Variants in GRIP1 observed in about 807,000 individuals in gnomAD.
The protein encoded by GRIP1 is glutamate receptor interacting protein 1, also known as glutamate receptor-interacting protein 1.
GRIP1 carries 45 observed loss-of-function variants against 129.9 expected under a neutral mutation model. The ratio of observed to expected loss-of-function variants is 0.35; its 90% CI spans 0.27 to 0.44. The LOEUF is 0.44. Ranked by LOEUF, GRIP1 falls within the 20% of genes least tolerant of loss-of-function variation. GRIP1 has a pLI of 1.00. For synonymous variants in GRIP1, 530 were observed against 520.8 expected (o/e 1.02, Z -0.24); for missense variants, 1,196 against 1,396.8 (o/e 0.86, Z 2.29).
At chr12:66,619,211 G>A (rs528911393) in intron 1 of GRIP1, among the ~76,000 whole-genome samples, 5 of 152,064 alleles carry the variant, frequency 3.3e-5, no homozygotes, top group Admixed American at 3.3e-4. Flanking sequence ...GGATCCATAG[G>A]GTGAGCAGCA....
At chr12:67,032,382 C>T (rs981913305) in intron 1 of GRIP1, among the ~76,000 whole-genome samples, 16 of 152,198 alleles carry the variant, frequency 1.1e-4, no homozygotes, top group Non-Finnish European at 2.2e-4. Flanking sequence ...TCTTCCCCAA[C>T]TGTCTCTAAT....
chr12:66,979,240 A>ACAAC (rs1238523474), intron 1 of GRIP1, among the ~76,000 whole-genome samples: 1 of 146,364 alleles, frequency 6.8e-6, no homozygotes, highest in African/African-American at 2.6e-5. Flanking sequence ...AAAAAAAAAA[A>ACAAC]AAAAAAAAAA....
upstream of GRIP1, among the ~76,000 whole-genome samples, chr12:66,684,116 T>C (rs2136290870): frequency 6.6e-6 from 1 of 152,338 alleles, no homozygotes; most frequent in South Asian, 2.1e-4. Context: ...GTAACGTGCC[T>C]AGAACAGAGA....
At chr12:66,378,150 A>T (rs1002912481) in intron 20 of GRIP1, among the ~76,000 whole-genome samples, 12 of 152,174 alleles carry the variant, frequency 7.9e-5, no homozygotes, top group Non-Finnish European at 1.3e-4. Context: ...CTTTTAAAAG[A>T]AAGGAGAGGG....
chr12:67,005,108 T>A (rs1452525326), intron 1 of GRIP1, among the ~76,000 whole-genome samples: 2 of 152,130 alleles, frequency 1.3e-5, no homozygotes, highest in Non-Finnish European at 2.9e-5. Flanking sequence ...TCTATAAAGA[T>A]CTGACCAAAG....
At position 66,694,470 on chromosome 12, in the gene GRIP1, A is replaced by C. The variant is rs2035085085; in HGVS notation, c.-419-64134T>G. Among the ~76,000 whole-genome samples the C allele has an allele frequency of 2.0e-5, 3 of 152,172 alleles. 1 individual carries two copies. Among genetic ancestry groups the C allele is most frequent in the Admixed American group, 2.0e-4 (3 of 15,278 alleles). ...AACAAGGGTTTGAATCATGATTCTGATAGGATCTTGGCAGATGGGCACAGT... is the reference window on the plus strand; with the variant it reads ...AACAAGGGTTTGAATCATGATTCTGCTAGGATCTTGGCAGATGGGCACAGT... On this transcript the variant is annotated intron_variant, in intron 1 of 4. Transcript: ENST00000538373.
intron 1 of GRIP1, among the ~76,000 whole-genome samples, chr12:66,987,959 C>T (rs1592433591): frequency 6.6e-6 from 1 of 152,244 alleles, no homozygotes; most frequent in South Asian, 2.1e-4. Flanking sequence ...GCCTGATTTC[C>T]AGGTCTGCCT....
intron 1 of GRIP1, among the ~76,000 whole-genome samples, chr12:66,931,075 G>C (rs1250886806): frequency 6.6e-6 from 1 of 152,194 alleles, no homozygotes; most frequent in Non-Finnish European, 1.5e-5. Context: ...CGAACTTACT[G>C]TCTTCAACTA....
At chr12:67,039,738 A>G (rs573311196) in intron 1 of GRIP1, among the ~76,000 whole-genome samples, 194 of 152,282 alleles carry the variant, frequency 1.3e-3, no homozygotes, top group Non-Finnish European at 2.2e-3. Flanking sequence ...TTAAGCACCA[A>G]AACATCTTAC....
chr12:66,641,788 T>TATA (rs2031949737), intron 1 of GRIP1, among the ~76,000 whole-genome samples: 1 of 152,196 alleles, frequency 6.6e-6, no homozygotes, highest in African/African-American at 2.4e-5. Context: ...TGGCCATGCC[T>TATA]TATAAGGATC....
chr12:66,607,228 C>A (rs73325141), intron 1 of GRIP1, among the ~76,000 whole-genome samples: 2,544 of 152,246 alleles, frequency 0.017, 73 homozygotes, highest in African/African-American at 0.058. Flanking sequence ...ATCATGAATT[C>A]TTGGTTTAAT....
chr12:66,569,105 A>G (rs751926942), intron 2 of GRIP1: 2 of 227,462 alleles, frequency 8.8e-6, no homozygotes, highest in African/African-American at 4.7e-5. Context: ...TGAGAGTTTC[A>G]GTTTTCTTTC....
At chr12:66,778,760 T>C (rs1361899514) in intron 1 of GRIP1, among the ~76,000 whole-genome samples, 1 of 152,250 alleles carries the variant, frequency 6.6e-6, no homozygotes, top group South Asian at 2.1e-4. Flanking sequence ...CATTTCTATA[T>C]GTAAACAGTC....
intron 7 of GRIP1, among the ~76,000 whole-genome samples, chr12:66,484,107 C>A (rs1441575444): frequency 6.6e-6 from 1 of 152,102 alleles, no homozygotes; most frequent in Non-Finnish European, 1.5e-5. Flanking sequence ...GATCCGCCCG[C>A]CTCGGCCTCC....
At chr12:66,491,607 T>G (rs1193258200) in intron 7 of GRIP1, among the ~76,000 whole-genome samples, 1 of 151,918 alleles carries the variant, frequency 6.6e-6, no homozygotes, top group African/African-American at 2.4e-5. Context: ...ATCCTACACA[T>G]GCACCCCTGA....
Position 66,477,923 on chromosome 12 carries a change from C to T in GRIP1, c.725-12501G>A, listed in dbSNP as rs193085293. 2.2e-3 allele frequency among the ~76,000 whole-genome samples: 335 copies of T among 152,174 alleles called. 2 individuals carry two copies. Among genetic ancestry groups the T allele is most frequent in the African/African-American group, 7.5e-3 (309 of 41,474 alleles). ...AATGTTAGACCTAAAACCATAAAAA[C>T]CCTAGAAGAAAACCTAGGCAATACC... On this transcript the variant is annotated intron_variant, in intron 7 of 24. Transcript: ENST00000359742.
intron 1 of GRIP1, among the ~76,000 whole-genome samples, chr12:67,032,668 A>G (rs2043040097): frequency 6.6e-6 from 1 of 152,186 alleles, no homozygotes; most frequent in Non-Finnish European, 1.5e-5. Context: ...TCACATGCTC[A>G]GTTGCGACAA....
At chr12:66,769,120 T>C (rs1489329876) in intron 1 of GRIP1, among the ~76,000 whole-genome samples, 2 of 152,196 alleles carry the variant, frequency 1.3e-5, no homozygotes, top group Admixed American at 6.5e-5. Context: ...TGGATTGGTG[T>C]TTCTAACAAG....
intron 23 of GRIP1, among the ~76,000 whole-genome samples, chr12:66,364,058 CA>C (rs2054974879): frequency 6.6e-6 from 1 of 151,708 alleles, no homozygotes; most frequent in Admixed American, 6.6e-5. Context: ...CAAGACCAGC[CA>C]GTCTGAGACC....
Sources: gnomAD v4.1 joint callset for allele counts (sites outside exome capture counted in the v4.1 genomes callset) on GRCh38, gnomAD v4.1.1 for gene constraint, MANE v1.5 for transcripts, NCBI Gene and HGNC (gene_info 2026-07-23, HGNC 2026-07-21) for gene names.